Variants in LAMB4 observed in about 807,000 individuals in gnomAD.
LAMB4 encodes laminin subunit beta 4.
Under a neutral mutation model 199.2 loss-of-function variants are expected in LAMB4, and 196 were observed. That is an observed-to-expected ratio of 0.98 (90% CI 0.88 to 1.11). LAMB4 has a LOEUF of 1.11. LAMB4 is among the 50% of genes least tolerant of loss of function. The probability of loss-of-function intolerance (pLI) is 0.00; values close to 1 mark genes in which losing one functional copy is unlikely to be tolerated. For synonymous variants in LAMB4, 744 were observed against 770.6 expected (o/e 0.97, Z 0.57); for missense variants, 2,080 against 2,171.2 (o/e 0.96, Z 0.83).
intron 17 of LAMB4, 79 bp from the exon 18 acceptor site, chr7:108,069,964 T>A (rs1232877217): frequency 2.6e-6 from 3 of 1,169,370 alleles, no homozygotes; most frequent in African/African-American, 3.1e-5. Context: ...AAAAATTAGA[T>A]CTATGAAAAT....
chr7:108,082,121 G>T (rs538102987), intron 14 of LAMB4, among the ~76,000 whole-genome samples: 4 of 152,104 alleles, frequency 2.6e-5, no homozygotes. Context: ...ACGAGGTCAG[G>T]AGATTGAGAC....
At chr7:108,095,798 C>A (rs959643100) in intron 11 of LAMB4, among the ~76,000 whole-genome samples, 1 of 152,118 alleles carries the variant, frequency 6.6e-6, no homozygotes, top group South Asian at 2.1e-4. Context: ...CTCCTCTACC[C>A]GTAGACATTT....
chr7:108,092,450 A>G (rs1201390508), intron 12 of LAMB4, 34 bp from the exon 13 acceptor site: 3 of 1,516,780 alleles, frequency 2.0e-6, no homozygotes, highest in African/African-American at 1.4e-5. Context: ...GATTCCAGCT[A>G]TGAAGATGCT....
Position 108,055,939 on chromosome 7 carries a change from G to A in LAMB4, c.3448C>T (p.Arg1150Trp), listed in dbSNP as rs771415950. 1.6e-5 allele frequency: 26 copies of A among 1,614,020 alleles called. No homozygotes were observed. The highest frequency in any genetic ancestry group is 2.2e-5 in the Non-Finnish European group (26 of 1,180,030). The part of the protein sequence containing the change: ...CDPDTGMCRC[R>W]EGVSGQRCDR... ...CATCTCTGGCCGCTGACACCCTCCC[G>A]GCAGCGGCACATGCCTGTGTCTGGA... Residue 1150 changes from arginine (R) to tryptophan (W), a missense_variant, in exon 25 of 34, where the codon CGG becomes TGG. By Grantham distance (101) the Arg-to-Trp change is moderately radical (BLOSUM62 -3). Transcript: ENST00000388781.
intron 14 of LAMB4, among the ~76,000 whole-genome samples, chr7:108,091,068 C>T (rs924545373): frequency 2.3e-4 from 35 of 151,070 alleles, no homozygotes; most frequent in African/African-American, 8.0e-4. Flanking sequence ...CACAAGCTTT[C>T]TCTCCTTAAA....
the LAMB4 span, among the ~76,000 whole-genome samples, chr7:108,018,333 A>G: frequency 3.3e-5 from 5 of 152,222 alleles, no homozygotes; most frequent in African/African-American, 1.2e-4. Flanking sequence ...GGGAGCCACC[A>G]GTAAGAGACT....
intron 14 of LAMB4, among the ~76,000 whole-genome samples, chr7:108,086,138 T>C (rs928680252): frequency 2.0e-5 from 3 of 152,226 alleles, no homozygotes; most frequent in Non-Finnish European, 4.4e-5. Context: ...GCATCTGCCC[T>C]GGCAGTCCAG....
rs143615902 is a variant in LAMB4 at position 108,123,149 on chromosome 7, T to A, written c.16A>T (p.Thr6Ser). The part of the protein sequence containing the change: MQFQL[T>S]LFLHLGWLSY... ...TACTCACCAAGGTGCAAAAAAAGGG[T>A]CAGTTGAAATTGCATTCTTTTGTCA... The change falls in exon 2 of 34, where the codon ACC (threonine) becomes TCC (serine). Residue 6 changes from threonine (T) to serine (S), a missense_variant. Thr to Ser is a moderately conservative substitution (Grantham distance 58). Coordinates refer to ENST00000388781, the MANE Select transcript of LAMB4 (RefSeq NM_007356.3). 6 of 1,611,174 alleles carry A rather than the reference T, an allele frequency of 3.7e-6. No individual in the cohort carries two copies. The African/African-American group carries it at 6.7e-5, about 18-fold the overall frequency.
rs745586493 is a variant in LAMB4, at chr7:108,107,794, A to G, written c.428T>C (p.Val143Ala). The G allele has an allele frequency of 6.3e-7, 1 of 1,598,276 alleles. No individual in the cohort carries two copies. The highest frequency in any genetic ancestry group is 8.5e-7 in the Non-Finnish European group (1 of 1,175,900). Residue 143 changes from valine to alanine, a missense_variant, in exon 6 of 34, where the codon GTT becomes GCT. Coordinates refer to ENST00000388781, the MANE Select transcript of LAMB4 (RefSeq NM_007356.3). ...GTGTCCATAGTCTGTGGAACGTTCA[A>G]CTAACATTGCAGCAGGCCGAAAAGT... ...FKTFRPAAML[V>A]ERSTDYGHNW...
intron 17 of LAMB4, among the ~76,000 whole-genome samples, chr7:108,076,338 G>A (rs920701427): frequency 6.6e-5 from 10 of 152,082 alleles, no homozygotes; most frequent in Non-Finnish European, 1.2e-4. Context: ...ACTCTGTGGG[G>A]GAAAGATGTT....
At chr7:108,053,363 C>T (rs1027384535) in intron 25 of LAMB4, among the ~76,000 whole-genome samples, 1 of 152,214 alleles carries the variant, frequency 6.6e-6, no homozygotes, top group African/African-American at 2.4e-5. Flanking sequence ...CCCCTTCCAC[C>T]TGTAGTTTAC....
the LAMB4 span, among the ~76,000 whole-genome samples, chr7:108,017,235 T>C: frequency 6.6e-6 from 1 of 152,198 alleles, no homozygotes; most frequent in Non-Finnish European, 1.5e-5. Flanking sequence ...GTGGCCACTT[T>C]TAACATGTAA....
intron 33 of LAMB4, among the ~76,000 whole-genome samples, chr7:108,025,727 T>C (rs2034815750): frequency 6.6e-6 from 1 of 152,164 alleles, no homozygotes; most frequent in Admixed American, 6.6e-5. Context: ...CACACCTGGC[T>C]GAAACTTTCA....
chr7:108,087,147 C>T (rs922567148), intron 14 of LAMB4, among the ~76,000 whole-genome samples: 1 of 152,170 alleles, frequency 6.6e-6, no homozygotes, highest in African/African-American at 2.4e-5. Context: ...CTGAAATTCT[C>T]AGCTGGGGTA....
intron 17 of LAMB4, among the ~76,000 whole-genome samples, chr7:108,072,112 C>T (rs930832134): frequency 1.3e-5 from 2 of 152,118 alleles, no homozygotes; most frequent in African/African-American, 2.4e-5. Context: ...CAGTCAGAAA[C>T]GTGGGACATT....
chr7:108,129,665 G>A (rs1218735502), intron 1 of LAMB4, among the ~76,000 whole-genome samples: 2 of 151,768 alleles, frequency 1.3e-5, no homozygotes, highest in African/African-American at 2.4e-5. Context: ...AACCTCCTGA[G>A]TAGCTGGGAT....
chr7:108,097,388 C>G (rs868111322), intron 11 of LAMB4, among the ~76,000 whole-genome samples: 1 of 152,098 alleles, frequency 6.6e-6, no homozygotes, highest in African/African-American at 2.4e-5. Flanking sequence ...TTTCTATTTC[C>G]GCTCCCCCGC....
At chr7:108,109,807 C>A (rs1162816191) in intron 4 of LAMB4, among the ~76,000 whole-genome samples, 1 of 152,042 alleles carries the variant, frequency 6.6e-6, no homozygotes, top group Non-Finnish European at 1.5e-5. Context: ...TAGTTATGAT[C>A]CATCTCTAGC....
chr7:108,024,454 A>T (rs2034764703), intron 33 of LAMB4, among the ~76,000 whole-genome samples: 1 of 152,274 alleles, frequency 6.6e-6, no homozygotes, highest in Non-Finnish European at 1.5e-5. Context: ...ATGAAAAGAC[A>T]GATAACATCC....
Sources: gnomAD v4.1 joint callset for allele counts (sites outside exome capture counted in the v4.1 genomes callset) on GRCh38, gnomAD v4.1.1 for gene constraint, MANE v1.5 for transcripts, NCBI Gene and HGNC (gene_info 2026-07-23, HGNC 2026-07-21) for gene names.